ERICH1: variants seen among roughly 807,000 people sequenced by gnomAD.
ERICH1 encodes glutamate rich 1, also known as glutamate-rich protein 1.
A neutral mutation model predicts 39.6 loss-of-function variants in ERICH1; 56 were observed. The ratio of observed to expected loss-of-function variants is 1.41; its 90% confidence interval spans 1.14 to 1.77. The LOEUF is 1.77. ERICH1 is among the 40% of genes most tolerant of loss of function. The pLI is 0.00. For missense variants in ERICH1, 826 were observed against 575.4 expected, an observed-to-expected ratio of 1.44 and a Z score of -4.45; for synonymous variants, 313 against 223.6, an observed-to-expected ratio of 1.40 and a Z score of -3.57.
At chr8:633,612 C>T (rs1798190191) in intron 3 of ERICH1, among the ~76,000 whole-genome samples, 1 of 152,194 alleles carries the variant, frequency 6.6e-6, no homozygotes, top group Non-Finnish European at 1.5e-5. Context: ...GCTGGAGACT[C>T]ACATTTCCTG....
At chr8:642,505 C>T (rs980848104) in intron 3 of ERICH1, among the ~76,000 whole-genome samples, 85 of 152,052 alleles carry the variant, frequency 5.6e-4, no homozygotes, top group Admixed American at 1.9e-3. Flanking sequence ...CCACCACGCC[C>T]GGCTAATTTT....
intron 3 of ERICH1, among the ~76,000 whole-genome samples, chr8:642,931 C>A (rs556199892): frequency 1.3e-5 from 2 of 152,308 alleles, no homozygotes; most frequent in East Asian, 3.9e-4. Flanking sequence ...CGGGAGACTG[C>A]AGCCTCCTGA....
At chr8:640,526 T>C (rs1798861083) in intron 3 of ERICH1, 1 of 152,264 alleles carries the variant, frequency 6.6e-6, no homozygotes, top group African/African-American at 2.4e-5. Flanking sequence ...GTAGATGTTT[T>C]AAGTATTTCA....
intron 3 of ERICH1, among the ~76,000 whole-genome samples, chr8:689,378 T>C (rs913139209): frequency 5.9e-5 from 9 of 152,392 alleles, no homozygotes; most frequent in African/African-American, 2.2e-4. Flanking sequence ...CCCAAAGTGC[T>C]GGAATTACAG....
At chr8:660,310 G>C (rs1381998747), downstream of ERICH1, among the ~76,000 whole-genome samples, 1 of 152,262 alleles carries the variant, frequency 6.6e-6, no homozygotes, top group Non-Finnish European at 1.5e-5. Context: ...ACAACAGGCA[G>C]ATTACCTGGG....
Position 697,994 on chromosome 8 carries a change from G to C in ERICH1, c.170-5382C>G, listed in dbSNP as rs530499397. 1.5e-3 allele frequency among the ~76,000 whole-genome samples: 232 copies of C among 152,246 alleles called. 1 individual carries two copies. The highest frequency in any genetic ancestry group is 5.4e-3 in the African/African-American group (223 of 41,556). ...CGTCTGGGGCTGGGCCCAGGTTGGAGAGCTCACGGGGGCCACCGGCGTGTA... is the reference window on the plus strand; with the variant it reads ...CGTCTGGGGCTGGGCCCAGGTTGGACAGCTCACGGGGGCCACCGGCGTGTA... On this transcript the variant is annotated intron_variant, in intron 2 of 5. Transcript: ENST00000262109.
intron 3 of ERICH1, among the ~76,000 whole-genome samples, chr8:657,832 G>A (rs558735456): frequency 1.2e-4 from 19 of 152,236 alleles, no homozygotes; most frequent in Admixed American, 3.9e-4. Flanking sequence ...AGATGCTGTT[G>A]GATCTGCGAC....
chr8:682,250 G>T (rs922343302), intron 3 of ERICH1, among the ~76,000 whole-genome samples: 1 of 152,056 alleles, frequency 6.6e-6, no homozygotes, highest in East Asian at 1.9e-4. Flanking sequence ...CTCATCTGAG[G>T]GGTCTGCCAA....
At chr8:728,326 C>G (rs979328877) in intron 1 of ERICH1, among the ~76,000 whole-genome samples, 24 of 152,214 alleles carry the variant, frequency 1.6e-4, no homozygotes, top group African/African-American at 5.3e-4. Context: ...GATGTCCTGA[C>G]AGGCACTGGG....
intron 3 of ERICH1, among the ~76,000 whole-genome samples, chr8:688,116 G>T (rs1381170787): frequency 1.3e-5 from 2 of 152,210 alleles, no homozygotes; most frequent in Admixed American, 6.5e-5. Flanking sequence ...ACGGGAGACA[G>T]GAGAGGAGGG....
rs1488235290 is a variant in ERICH1 at position 634,148 on chromosome 8, T to C, written c.977-18864A>G. ...TAGTAAGGGGTTAAAAACCAGAATCTATAGAGAACTCCTAAAACTCAAAAA... is the reference window on the plus strand; with the variant it reads ...TAGTAAGGGGTTAAAAACCAGAATCCATAGAGAACTCCTAAAACTCAAAAA... On this transcript the variant is annotated intron_variant, in intron 3 of 3. Coordinates refer to the ERICH1 transcript ENST00000522706. 1.2e-4 allele frequency among the ~76,000 whole-genome samples: 9 copies of C among 72,482 alleles called. 1 individual carries two copies. The highest frequency in any genetic ancestry group is 4.5e-4 in the African/African-American group (8 of 17,882). The allele number at this position is 72,482 out of a possible 152,430, so 47.6% of individuals were successfully genotyped here.
At chr8:702,284 A>G (rs141515109) in intron 2 of ERICH1, among the ~76,000 whole-genome samples, 7 of 152,264 alleles carry the variant, frequency 4.6e-5, no homozygotes, top group African/African-American at 1.7e-4. Context: ...CTCACACTCA[A>G]TTAGCGAGAC....
At chr8:703,487 G>A (rs1282031406) in intron 2 of ERICH1, among the ~76,000 whole-genome samples, 1 of 152,188 alleles carries the variant, frequency 6.6e-6, no homozygotes, top group African/African-American at 2.4e-5. Flanking sequence ...CAGGCAGGCT[G>A]TGGAAGCCTC....
intron 5 of ERICH1, chr8:668,045 G>A (rs1279145147): frequency 5.6e-6 from 1 of 179,428 alleles, no homozygotes; most frequent in Non-Finnish European, 1.2e-5. Context: ...TCAACAGCCT[G>A]AATTTCTGAT....
intron 2 of ERICH1, among the ~76,000 whole-genome samples, chr8:715,019 C>T (rs1262802015): frequency 1.4e-5 from 2 of 144,428 alleles, no homozygotes; most frequent in Non-Finnish European, 3.0e-5. Context: ...GGTGGGATGT[C>T]TTACACCCAG....
intron 4 of ERICH1, among the ~76,000 whole-genome samples, chr8:670,169 G>C (rs1259519642): frequency 6.6e-6 from 1 of 152,090 alleles, no homozygotes; most frequent in Non-Finnish European, 1.5e-5. Flanking sequence ...CCTGTCTTTT[G>C]AGGCCTGAAT....
intron 3 of ERICH1, among the ~76,000 whole-genome samples, chr8:635,514 G>T (rs1798359011): frequency 6.6e-6 from 1 of 152,190 alleles, no homozygotes; most frequent in Non-Finnish European, 1.5e-5. Context: ...CTCATACATG[G>T]GTGGTCTTGG....
chr8:671,253 T>C (rs13269509), intron 4 of ERICH1, among the ~76,000 whole-genome samples: 5 of 90,468 alleles, frequency 5.5e-5, no homozygotes, highest in South Asian at 4.1e-4. Context: ...CTGAACCCGC[T>C]GGCCCCTGCT....
intron 1 of ERICH1, among the ~76,000 whole-genome samples, chr8:720,576 T>G (rs768802822): frequency 6.6e-6 from 1 of 152,142 alleles, no homozygotes; most frequent in African/African-American, 2.4e-5. Flanking sequence ...AAGAAGGCCG[T>G]AGGGATTTGG....
Sources: allele counts gnomAD v4.1 joint callset (sites outside exome capture counted in the v4.1 genomes callset), GRCh38; gene constraint gnomAD v4.1.1; transcripts MANE v1.5; gene names NCBI Gene and HGNC (gene_info 2026-07-23, HGNC 2026-07-21).